NTRK3: variants seen among roughly 807,000 people sequenced by gnomAD.
NTRK3 encodes the protein NT-3 growth factor receptor.
NTRK3 carries 24 observed loss-of-function variants against 91.7 expected under a neutral mutation model. The ratio of observed to expected loss-of-function variants is 0.26; its 90% CI spans 0.19 to 0.37. The LOEUF is 0.37. Ranked by LOEUF, NTRK3 falls within the 10% of genes least tolerant of loss-of-function variation. NTRK3 has a pLI of 1.00. For synonymous variants in NTRK3, 483 were observed against 404.0 expected, an observed-to-expected ratio of 1.20 and a Z score of -2.34; for missense variants, 880 against 1,068.9, an observed-to-expected ratio of 0.82 and a Z score of 2.46.
At chr15:88,184,640 T>C (rs1242587620) in intron 3 of NTRK3, among the ~76,000 whole-genome samples, 1 of 152,232 alleles carries the variant, frequency 6.6e-6, no homozygotes, top group Non-Finnish European at 1.5e-5. Flanking sequence ...TCTGTTCCCC[T>C]TCTTTCTTTT....
At chr15:87,989,548 T>C (rs1450021522) in intron 14 of NTRK3, among the ~76,000 whole-genome samples, 5 of 152,154 alleles carry the variant, frequency 3.3e-5, no homozygotes, top group Non-Finnish European at 7.3e-5. Context: ...ATATACCTAA[T>C]GTAAATGACG....
chr15:87,859,964 G>C (rs2064476738), exon 19 of NTRK3: 1 of 191,542 alleles, frequency 5.2e-6, no homozygotes, highest in African/African-American at 2.3e-5. Context: ...ATATATACAT[G>C]TACATGTGCA....
At chr15:88,151,447 C>T (rs2043368631) in intron 5 of NTRK3, among the ~76,000 whole-genome samples, 1 of 152,142 alleles carries the variant, frequency 6.6e-6, no homozygotes, top group African/African-American at 2.4e-5. Flanking sequence ...GGGGTCCTCC[C>T]AGGCAACCTC....
intron 5 of NTRK3, among the ~76,000 whole-genome samples, chr15:88,171,647 G>C (rs979022217): frequency 6.6e-6 from 1 of 152,140 alleles, no homozygotes; most frequent in Non-Finnish European, 1.5e-5. Flanking sequence ...CTCACCCAAA[G>C]CCCTGCAGGG....
intron 3 of NTRK3, among the ~76,000 whole-genome samples, chr15:88,218,332 C>A (rs1047505005): frequency 2.0e-5 from 3 of 152,184 alleles, no homozygotes; most frequent in Non-Finnish European, 4.4e-5. Context: ...CTGGTGAAGA[C>A]CCAGGCTATG....
At chr15:88,121,009 A>G (rs891266737) in intron 13 of NTRK3, among the ~76,000 whole-genome samples, 2 of 152,246 alleles carry the variant, frequency 1.3e-5, no homozygotes, top group Non-Finnish European at 2.9e-5. Context: ...AGAAGTATGA[A>G]GTAATTCTCA....
chr15:88,217,488 C>T (rs892136600), intron 3 of NTRK3, among the ~76,000 whole-genome samples: 3 of 152,132 alleles, frequency 2.0e-5, no homozygotes, highest in Non-Finnish European at 4.4e-5. Context: ...CTAAGTGAAA[C>T]AAGCCAGTCA....
chr15:87,895,682 G>T (rs1185475611), intron 17 of NTRK3, among the ~76,000 whole-genome samples: 1 of 151,968 alleles, frequency 6.6e-6, no homozygotes, highest in Non-Finnish European at 1.5e-5. Context: ...ACCCTTTTAG[G>T]TCTGATAAGA....
chr15:87,875,461 TTCCCTCTCTCCGG>T (rs2064923771), exon 19 of NTRK3: 4 of 231,602 alleles, frequency 1.7e-5, no homozygotes, highest in Non-Finnish European at 3.4e-5. Context: ...AGATGTTTCC[TTCCCTCTCTCCGG>T]TCAGGGCTCA....
At chr15:88,178,572 G>A (rs1214523444) in intron 5 of NTRK3, among the ~76,000 whole-genome samples, 2 of 152,184 alleles carry the variant, frequency 1.3e-5, no homozygotes, top group Admixed American at 1.3e-4. Context: ...ACTTAGTCCG[G>A]CATCCAGAGC....
rs565183736 is a variant in NTRK3, at chr15:87,979,186, C to T, written c.1586-38433G>A. 6 of 689,562 alleles carry T rather than the reference C, an allele frequency of 8.7e-6. No individual in the cohort carries two copies. The South Asian group carries it at 9.7e-5, about 11-fold the overall frequency. The allele number at this position is 689,562 out of a possible 1,614,324, so 42.7% of individuals were successfully genotyped here. A position where few individuals can be genotyped will look rare whatever the true frequency, so the allele number is the denominator to read the frequency against. ...TGCCAGTGGTGGATGGGGGAAAACA[C>T]CCATCTGGTGGTGTTAAAGGGTGCC... On this transcript the variant is annotated intron_variant, in intron 14 of 18. Transcript: ENST00000394480.
chr15:87,891,205 C>T (rs1490656514), intron 17 of NTRK3, among the ~76,000 whole-genome samples: 1 of 152,120 alleles, frequency 6.6e-6, no homozygotes. Context: ...ATCTTTGCAG[C>T]TCTTTCTGTC....
chr15:88,027,710 G>A (rs544000886), intron 14 of NTRK3, among the ~76,000 whole-genome samples: 9 of 152,274 alleles, frequency 5.9e-5, no homozygotes, highest in Non-Finnish European at 7.4e-5. Flanking sequence ...GAGCCTGGGC[G>A]TGGAGTCATC....
intron 13 of NTRK3, among the ~76,000 whole-genome samples, chr15:88,117,903 G>C (rs2052281167): frequency 6.6e-6 from 1 of 152,224 alleles, no homozygotes; most frequent in Admixed American, 6.5e-5. Context: ...CCCTGGAACA[G>C]GTGGCAGACA....
chr15:87,930,953 A>G (rs2068744433), intron 16 of NTRK3: 5 of 246,234 alleles, frequency 2.0e-5, no homozygotes, highest in Non-Finnish European at 4.1e-5. Flanking sequence ...GTCCTTGTAG[A>G]ACTGTACTCA....
chr15:87,995,095 G>A (rs2075591598), intron 14 of NTRK3, among the ~76,000 whole-genome samples: 1 of 152,190 alleles, frequency 6.6e-6, no homozygotes, highest in Non-Finnish European at 1.5e-5. Flanking sequence ...TCAAAACAAT[G>A]TCACATAGGT....
chr15:87,934,312 T>C (rs1343764162), intron 15 of NTRK3, among the ~76,000 whole-genome samples: 1 of 152,184 alleles, frequency 6.6e-6, no homozygotes, highest in Non-Finnish European at 1.5e-5. Flanking sequence ...GCAATCTCAA[T>C]AGACACAACA....
At chr15:88,098,878 T>C (rs2049897564) in intron 13 of NTRK3, 2 of 232,682 alleles carry the variant, frequency 8.6e-6, no homozygotes, top group Middle Eastern at 1.2e-3. Context: ...TGTAATGTGA[T>C]ATGCTATGAA....
At chr15:88,017,319 C>A (rs2077301838) in intron 14 of NTRK3, among the ~76,000 whole-genome samples, 1 of 152,206 alleles carries the variant, frequency 6.6e-6, no homozygotes, top group Non-Finnish European at 1.5e-5. Flanking sequence ...ACAGCTCCCC[C>A]TTTAGACCTA....
Sources: allele counts gnomAD v4.1 joint callset (sites outside exome capture counted in the v4.1 genomes callset), GRCh38; gene constraint gnomAD v4.1.1; transcripts MANE v1.5; gene names NCBI Gene and HGNC (gene_info 2026-07-23, HGNC 2026-07-21).